TBCK: variants seen among roughly 807,000 people sequenced by gnomAD.
The protein encoded by TBCK is TBC domain-containing protein kinase-like protein.
TBCK carries 99 observed loss-of-function variants against 113.4 expected under a neutral mutation model. That is an observed-to-expected ratio of 0.87 (90% CI 0.74 to 1.03). The LOEUF (loss-of-function observed/expected upper bound fraction) is 1.03, where lower values mean the gene tolerates loss of function less well. TBCK is among the 50% of genes least tolerant of loss of function. TBCK has a pLI of 0.00. For missense variants in TBCK, 1,045 were observed against 1,061.3 expected, an observed-to-expected ratio of 0.98 and a Z score of 0.21; for synonymous variants, 369 against 370.8, an observed-to-expected ratio of 1.00 and a Z score of 0.05.
chr4:106,117,513 A>G (rs1396877607), intron 23 of TBCK, among the ~76,000 whole-genome samples: 1 of 152,164 alleles, frequency 6.6e-6, no homozygotes, highest in Non-Finnish European at 1.5e-5. Flanking sequence ...AGGCTATCAA[A>G]CCCATCCATT....
chr4:106,076,302 C>A (rs73836968), intron 25 of TBCK, among the ~76,000 whole-genome samples: 2,079 of 152,088 alleles, frequency 0.014, 55 homozygotes, highest in African/African-American at 0.047. Context: ...TTACTTGGAA[C>A]CTAAACATGT....
At chr4:106,233,186 C>A in intron 16 of TBCK, 122 bp from the exon 17 acceptor site, 1 of 954,654 alleles carries the variant, frequency 1.0e-6, no homozygotes, top group Non-Finnish European at 1.5e-6. Context: ...AACAGACCAA[C>A]TTCTTAAGTG....
intron 22 of TBCK, among the ~76,000 whole-genome samples, chr4:106,178,302 G>A (rs1380705102): frequency 3.3e-5 from 5 of 151,394 alleles, no homozygotes; most frequent in Non-Finnish European, 7.4e-5. Context: ...CCAATTGAAT[G>A]TGTTAATTTT....
At chr4:106,102,147 A>C (rs570666727) in intron 24 of TBCK, among the ~76,000 whole-genome samples, 1 of 152,300 alleles carries the variant, frequency 6.6e-6, no homozygotes, top group African/African-American at 2.4e-5. Context: ...AAGAGTTTAG[A>C]CTATATTAGG....
At chr4:106,125,857 T>G (rs903752647) in intron 23 of TBCK, among the ~76,000 whole-genome samples, 1 of 152,178 alleles carries the variant, frequency 6.6e-6, no homozygotes, top group African/African-American at 2.4e-5. Flanking sequence ...AGAGTGACTA[T>G]AGTTAACAAT....
chr4:106,189,511 T>C (rs937379269), intron 22 of TBCK, among the ~76,000 whole-genome samples: 4 of 152,256 alleles, frequency 2.6e-5, no homozygotes, highest in African/African-American at 9.6e-5. Context: ...ACAGTTGCTC[T>C]ACTCTTTCAC....
At chr4:106,081,767 A>G (rs754197795) in intron 25 of TBCK, among the ~76,000 whole-genome samples, 1 of 152,216 alleles carries the variant, frequency 6.6e-6, no homozygotes, top group African/African-American at 2.4e-5. Context: ...CAAAAAACAA[A>G]TATCCCAGTT....
At chr4:106,054,761 A>G (rs1308761796) in intron 25 of TBCK, among the ~76,000 whole-genome samples, 3 of 151,678 alleles carry the variant, frequency 2.0e-5, no homozygotes, top group African/African-American at 4.8e-5. Flanking sequence ...GGGACTGGTT[A>G]AGCTGTTTTA....
chr4:106,048,497 C>T (rs2149441401), intron 25 of TBCK, among the ~76,000 whole-genome samples: 1 of 152,106 alleles, frequency 6.6e-6, no homozygotes, highest in East Asian at 1.9e-4. Flanking sequence ...TCATCCTGTT[C>T]TTACTTCTCT....
chr4:106,063,737 C>G (rs1166028737), intron 25 of TBCK, among the ~76,000 whole-genome samples: 1 of 151,442 alleles, frequency 6.6e-6, no homozygotes, highest in Non-Finnish European at 1.5e-5. Context: ...GAGGGGAGAC[C>G]CTTCATGAAT....
In TBCK at chr4:106,307,883, T is replaced by A. The variant is rs189643506; in HGVS notation, c.193+885A>T. 1.4e-3 allele frequency among the ~76,000 whole-genome samples: 220 copies of A among 152,188 alleles called. 1 individual carries two copies. The highest frequency in any genetic ancestry group is 2.0e-3 in the Non-Finnish European group (133 of 67,966). ...CGCAGTAAACATCTTCCTCAAACAC[T>A]GACTTTTTAACCAATAGGGTTCAAC... On this transcript the variant is annotated intron_variant, in intron 2 of 25. Coordinates refer to ENST00000394708, the MANE Select transcript of TBCK (RefSeq NM_001163435.3).
At chr4:106,299,651 T>C (rs932873718) in intron 2 of TBCK, among the ~76,000 whole-genome samples, 2 of 152,144 alleles carry the variant, frequency 1.3e-5, no homozygotes, top group African/African-American at 4.8e-5. Context: ...ATATGAACCA[T>C]TTTTTTAAAG....
chr4:106,227,956 T>G (rs1333765777), intron 19 of TBCK, among the ~76,000 whole-genome samples: 1 of 151,938 alleles, frequency 6.6e-6, no homozygotes, highest in Non-Finnish European at 1.5e-5. Flanking sequence ...TACCAGAAAT[T>G]TACATATTAT....
chr4:106,193,595 A>G lies in TBCK; in HGVS notation c.2059+14T>C, dbSNP rs775822559. 1 of 1,611,144 alleles carries G rather than the reference A, an allele frequency of 6.2e-7. No individual in the cohort carries two copies. ...CAAATTTCATTTAATGGCTCCATTTATTTAGATCTATACCTGGTAAATCGG... is the reference window on the plus strand; with the variant it reads ...CAAATTTCATTTAATGGCTCCATTTGTTTAGATCTATACCTGGTAAATCGG... On this transcript the variant is annotated intron_variant, in intron 22 of 25. Transcript: ENST00000394708.
chr4:106,247,059 G>A (rs1760896279), intron 10 of TBCK, 80 bp downstream of exon 10: 1 of 1,392,408 alleles, frequency 7.2e-7, no homozygotes. Flanking sequence ...TTGTTGATAA[G>A]TTCAAAACTG....
chr4:106,207,877 T>C (rs931803333), intron 20 of TBCK, among the ~76,000 whole-genome samples: 5 of 152,238 alleles, frequency 3.3e-5, no homozygotes, highest in African/African-American at 7.2e-5. Flanking sequence ...GGTTAAGATA[T>C]ATTATTTCCC....
chr4:106,174,541 A>C (rs1751402015), intron 22 of TBCK, among the ~76,000 whole-genome samples: 1 of 151,978 alleles, frequency 6.6e-6, no homozygotes, highest in African/African-American at 2.4e-5. Context: ...TGTATTATGA[A>C]ATTTCATGGT....
At chr4:106,170,411 T>C (rs1216464211) in intron 23 of TBCK, among the ~76,000 whole-genome samples, 1 of 152,094 alleles carries the variant, frequency 6.6e-6, no homozygotes, top group African/African-American at 2.4e-5. Context: ...TTGCTCTGTA[T>C]TCAATCATAA....
chr4:106,238,902 G>T (rs1340145210), intron 12 of TBCK, among the ~76,000 whole-genome samples: 1 of 152,088 alleles, frequency 6.6e-6, no homozygotes, highest in Non-Finnish European at 1.5e-5. Context: ...ACTAATACGA[G>T]AGAGAAAAAC....
Sources: gnomAD v4.1 joint callset for allele counts (sites outside exome capture counted in the v4.1 genomes callset) on GRCh38, gnomAD v4.1.1 for gene constraint, MANE v1.5 for transcripts, NCBI Gene and HGNC (gene_info 2026-07-23, HGNC 2026-07-21) for gene names.